Variants in SWAP70 observed in about 807,000 individuals in gnomAD.
The protein encoded by SWAP70 is switching B cell complex subunit SWAP70.
A neutral mutation model predicts 80.2 loss-of-function variants in SWAP70; 34 were observed. The observed-to-expected ratio is 0.42, with a 90% CI of 0.32 to 0.56. The LOEUF (loss-of-function observed/expected upper bound fraction) is 0.56. SWAP70 is among the 20% of genes least tolerant of loss of function. The pLI is 0.09. For missense variants in SWAP70, 578 were observed against 690.7 expected (o/e 0.84, Z 1.83); for synonymous variants, 239 against 238.5 (o/e 1.00, Z -0.02).
intron 1 of SWAP70, among the ~76,000 whole-genome samples, chr11:9,672,279 A>G (rs1304904072): frequency 1.4e-5 from 2 of 138,092 alleles, no homozygotes; most frequent in African/African-American, 5.3e-5. Context: ...CATAAACTTC[A>G]TATTTCTTCT....
chr11:9,682,833 C>T (rs912696966), intron 1 of SWAP70, among the ~76,000 whole-genome samples: 1 of 152,120 alleles, frequency 6.6e-6, no homozygotes, highest in East Asian at 1.9e-4. Context: ...TGTGCCACCA[C>T]GCCCAGCTAA....
chr11:9,671,508 AT>A (rs1850388467), intron 1 of SWAP70, among the ~76,000 whole-genome samples: 4 of 91,162 alleles, frequency 4.4e-5, no homozygotes, highest in African/African-American at 1.7e-4. Flanking sequence ...ATAAATATAT[AT>A]AAATATATAT....
chr11:9,672,018 A>G (rs1217456136), intron 1 of SWAP70, among the ~76,000 whole-genome samples: 1 of 118,184 alleles, frequency 8.5e-6, no homozygotes, highest in Non-Finnish European at 1.6e-5. Flanking sequence ...ATATATTTTA[A>G]TAATATATAT....
chr11:9,735,976 A>T (rs1169140551), intron 7 of SWAP70, among the ~76,000 whole-genome samples: 1 of 151,752 alleles, frequency 6.6e-6, no homozygotes, highest in Non-Finnish European at 1.5e-5. Context: ...CCCTCTTCTG[A>T]TACTTTCGTT....
At chr11:9,730,444 C>T (rs1224289649) in intron 6 of SWAP70, among the ~76,000 whole-genome samples, 1 of 99,672 alleles carries the variant, frequency 1.0e-5, no homozygotes, top group African/African-American at 3.5e-5. Flanking sequence ...GACATTATTT[C>T]ATTCTTTTTT....
intron 4 of SWAP70, among the ~76,000 whole-genome samples, chr11:9,727,166 G>A (rs760671134): frequency 2.0e-5 from 3 of 151,338 alleles, no homozygotes; most frequent in Admixed American, 1.3e-4. Flanking sequence ...TGAGGTGGGC[G>A]GATCACGAGG....
chr11:9,751,968 AC>A lies in SWAP70; in HGVS notation c.*2000del, dbSNP rs558476165. The A allele has an allele frequency of 5.9e-5, 9 of 152,336 alleles. No homozygotes were observed. In the East Asian group the frequency reaches 1.5e-3, roughly 26 times the overall value. 9.4% of individuals were successfully genotyped at this position (152,336 alleles called of 1,614,324 possible). On this transcript the variant is annotated 3_prime_UTR_variant, in exon 12 of 12. Coordinates refer to ENST00000318950, the MANE Select transcript of SWAP70 (RefSeq NM_015055.4). ...ATTCAGTAGCTGGCAGGTGTATTAG[AC>A]CAACGAGACTTAGGTAAGGAATGGA...
At chr11:9,685,437 T>G (rs911269293) in intron 1 of SWAP70, among the ~76,000 whole-genome samples, 3 of 152,136 alleles carry the variant, frequency 2.0e-5, no homozygotes, top group Non-Finnish European at 4.4e-5. Flanking sequence ...AAGTCCAAGA[T>G]CAAGATGCTA....
At chr11:9,706,981 C>G (rs1850923921) in intron 2 of SWAP70, among the ~76,000 whole-genome samples, 1 of 150,446 alleles carries the variant, frequency 6.6e-6, no homozygotes, top group Non-Finnish European at 1.5e-5. Flanking sequence ...ACATATATTT[C>G]TTTATTCTTA....
At chr11:9,694,680 A>T (rs960268142) in intron 2 of SWAP70, among the ~76,000 whole-genome samples, 1 of 152,236 alleles carries the variant, frequency 6.6e-6, no homozygotes, top group Non-Finnish European at 1.5e-5. Context: ...TCAAAAGAAG[A>T]CATTTACACG....
At chr11:9,708,808 G>T (rs1339095808) in intron 2 of SWAP70, among the ~76,000 whole-genome samples, 1 of 152,156 alleles carries the variant, frequency 6.6e-6, no homozygotes, top group Non-Finnish European at 1.5e-5. Flanking sequence ...CCTTGGAAAT[G>T]TTCTGCATAG....
chr11:9,676,289 A>G (rs1012699121), intron 1 of SWAP70, among the ~76,000 whole-genome samples: 8 of 152,230 alleles, frequency 5.3e-5, no homozygotes, highest in African/African-American at 1.4e-4. Flanking sequence ...TGCTAGGTGC[A>G]CATAGGTAGC....
At chr11:9,703,379 T>G in intron 2 of SWAP70, 1 of 456,312 alleles carries the variant, frequency 2.2e-6, no homozygotes, top group South Asian at 1.5e-5. Context: ...CACGTTGGCC[T>G]TCTCTCTGTT....
chr11:9,732,067 A>G (rs1256814566), intron 6 of SWAP70, among the ~76,000 whole-genome samples: 2 of 152,252 alleles, frequency 1.3e-5, no homozygotes. Context: ...TGATAGGCCA[A>G]CTAAACACAG....
At chr11:9,720,204 A>G in intron 3 of SWAP70, 1 of 985,384 alleles carries the variant, frequency 1.0e-6, no homozygotes, top group Non-Finnish European at 1.2e-6. Context: ...TTATTTGGTT[A>G]TGATACGTAT....
At chr11:9,664,378 G>A in intron 1 of SWAP70, 100 bp downstream of exon 1, 2 of 1,360,114 alleles carry the variant, frequency 1.5e-6, no homozygotes, top group Non-Finnish European at 2.0e-6. Flanking sequence ...ACCGCAGGGC[G>A]GGGCGGGTCG....
chr11:9,689,704 G>A (rs1431879741), intron 1 of SWAP70, among the ~76,000 whole-genome samples: 2 of 152,190 alleles, frequency 1.3e-5, no homozygotes. Flanking sequence ...ATCTGGAGAA[G>A]GGGTTAGTGC....
At chr11:9,711,831 T>TA (rs1310583311) in intron 2 of SWAP70, among the ~76,000 whole-genome samples, 1 of 152,182 alleles carries the variant, frequency 6.6e-6, no homozygotes, top group Non-Finnish European at 1.5e-5. Flanking sequence ...TAAATTCCTT[T>TA]TGTTTTTAAA....
At chr11:9,720,789 TC>T (rs1445797434) in intron 3 of SWAP70, among the ~76,000 whole-genome samples, 1 of 152,188 alleles carries the variant, frequency 6.6e-6, no homozygotes, top group Non-Finnish European at 1.5e-5. Flanking sequence ...ACTCTCTTTT[TC>T]TTGCTTTTAT....
Sources: gnomAD v4.1 joint callset for allele counts (sites outside exome capture counted in the v4.1 genomes callset) on GRCh38, gnomAD v4.1.1 for gene constraint, MANE v1.5 for transcripts, NCBI Gene and HGNC (gene_info 2026-07-23, HGNC 2026-07-21) for gene names.